EML4: variants seen among roughly 807,000 people sequenced by gnomAD.
The protein encoded by EML4 is echinoderm microtubule-associated protein-like 4.
Under a neutral mutation model 129.0 loss-of-function variants are expected in EML4, and 72 were observed. The ratio of observed to expected loss-of-function variants is 0.56; its 90% CI spans 0.46 to 0.68. The LOEUF is 0.68. EML4 is among the 30% of genes least tolerant of loss of function. The probability of loss-of-function intolerance (pLI) is 0.00; values close to 1 mark genes in which losing one functional copy is unlikely to be tolerated. For synonymous variants in EML4, 532 were observed against 405.0 expected (o/e 1.31, Z -3.77); for missense variants, 1,363 against 1,190.6 (o/e 1.14, Z -2.13).
At chr2:42,234,134 T>TGG (rs1674516633) in intron 1 of EML4, among the ~76,000 whole-genome samples, 1 of 152,266 alleles carries the variant, frequency 6.6e-6, no homozygotes, top group Non-Finnish European at 1.5e-5. Context: ...TCACTGTCCT[T>TGG]CAGTTTGTCC....
At chr2:42,246,690 T>C (rs992152627) in intron 2 of EML4, among the ~76,000 whole-genome samples, 4 of 152,182 alleles carry the variant, frequency 2.6e-5, no homozygotes, top group African/African-American at 9.7e-5. Context: ...AATTTGGGAA[T>C]GTTCCTCTTA....
chr2:42,279,809 G>A (rs1448449612), intron 6 of EML4, among the ~76,000 whole-genome samples: 1 of 151,146 alleles, frequency 6.6e-6, no homozygotes, highest in African/African-American at 2.4e-5. Context: ...ATTATTAATA[G>A]CCATCCGACA....
At chr2:42,250,694 A>G (rs960536291) in intron 2 of EML4, among the ~76,000 whole-genome samples, 2 of 151,842 alleles carry the variant, frequency 1.3e-5, no homozygotes, top group African/African-American at 4.8e-5. Flanking sequence ...CTTTTTTGGC[A>G]CTAGGGACTG....
chr2:42,309,381 C>T (rs1668800034), intron 17 of EML4, among the ~76,000 whole-genome samples: 1 of 149,904 alleles, frequency 6.7e-6, no homozygotes, highest in Non-Finnish European at 1.5e-5. Context: ...CACTGCACTC[C>T]AGCCTGGATG....
At chr2:42,284,086 C>G (rs1399176732) in intron 8 of EML4, among the ~76,000 whole-genome samples, 1 of 152,168 alleles carries the variant, frequency 6.6e-6, no homozygotes, top group Admixed American at 6.5e-5. Flanking sequence ...AATTCCTTGC[C>G]TCAGTTTGAC....
chr2:42,229,347 A>C (rs1216964298), intron 1 of EML4, among the ~76,000 whole-genome samples: 1 of 152,216 alleles, frequency 6.6e-6, no homozygotes, highest in African/African-American at 2.4e-5. Context: ...GCCTGGGTAT[A>C]TAGTTACTAA....
intron 19 of EML4, among the ~76,000 whole-genome samples, chr2:42,323,262 C>G (rs941833546): frequency 1.3e-5 from 2 of 152,170 alleles, no homozygotes; most frequent in South Asian, 4.1e-4. Flanking sequence ...CAGAGCCAGG[C>G]TCATGTGCAC....
In EML4 at chr2:42,270,604, T is replaced by C. The variant is rs77139969; in HGVS notation, c.667+5873T>C. The stretch of plus-strand genomic sequence containing the variant: ...ATTGTATCTGAAAGAATAGCTAAAA[T>C]TTATCGATAAAGATATATAATAGCG... On this transcript the variant is annotated intron_variant, in intron 6 of 22. Coordinates refer to ENST00000318522, the MANE Select transcript of EML4 (RefSeq NM_019063.5). 2.1e-3 allele frequency among the ~76,000 whole-genome samples: 320 copies of C among 152,334 alleles called. 1 individual carries two copies. Among genetic ancestry groups the C allele is most frequent in the African/African-American group, 7.4e-3 (309 of 41,572 alleles).
chr2:42,239,309 T>G (rs1347148481), intron 1 of EML4, among the ~76,000 whole-genome samples: 2 of 152,276 alleles, frequency 1.3e-5, no homozygotes, highest in East Asian at 3.9e-4. Flanking sequence ...ATTGCCAACT[T>G]TTGGATATTT....
At chr2:42,280,758 G>T in intron 6 of EML4, 92 bp from the exon 7 acceptor site, 2 of 951,974 alleles carry the variant, frequency 2.1e-6, no homozygotes, top group Non-Finnish European at 3.1e-6. Context: ...AGTCATTTTT[G>T]TCTTGTTTTT....
chr2:42,256,739 C>A, intron 3 of EML4, 109 bp downstream of exon 3: 1 of 1,343,632 alleles, frequency 7.4e-7, no homozygotes, highest in Non-Finnish European at 1.0e-6. Context: ...TTCAAGTGAG[C>A]ATGTCCTTTG....
chr2:42,232,076 G>C (rs964715465), intron 1 of EML4, among the ~76,000 whole-genome samples: 2 of 152,048 alleles, frequency 1.3e-5, no homozygotes, highest in Admixed American at 6.5e-5. Context: ...ATGAATAGGA[G>C]TTTTGAAAAA....
chr2:42,268,777 CAT>C (rs1228257203), intron 6 of EML4, among the ~76,000 whole-genome samples: 2 of 152,132 alleles, frequency 1.3e-5, no homozygotes, highest in Non-Finnish European at 2.9e-5. Context: ...CACATGATCT[CAT>C]TATTTCTGGA....
chr2:42,329,393 A>C (rs557607267), intron 22 of EML4, among the ~76,000 whole-genome samples: 117 of 152,368 alleles, frequency 7.7e-4, no homozygotes, highest in Admixed American at 1.4e-3. Context: ...AATCCTACCA[A>C]CATAGTAAAT....
intron 2 of EML4, among the ~76,000 whole-genome samples, chr2:42,253,522 A>G (rs765120290): frequency 2.6e-5 from 4 of 152,218 alleles, no homozygotes; most frequent in Non-Finnish European, 5.9e-5. Flanking sequence ...ATTCTGGCAC[A>G]GTGTAGCGAT....
At chr2:42,234,385 G>A (rs1674531546) in intron 1 of EML4, among the ~76,000 whole-genome samples, 1 of 152,148 alleles carries the variant, frequency 6.6e-6, no homozygotes, top group South Asian at 2.1e-4. Context: ...TTACAACATC[G>A]GTGGTGGGAA....
rs1225352706 is a variant in EML4 at position 42,244,103 on chromosome 2, T to TTTTG, written c.26-1399_26-1398insGTTT. On this transcript the variant is annotated intron_variant, in intron 1 of 22. Transcript: ENST00000318522. ...TTTGTTTTTTGTTTTTGTTTTTTGT[T>TTTTG]TTTTTTTTTTTTTTGAGACGGGGTC... is the stretch of plus-strand genomic sequence containing the variant. Among the ~76,000 whole-genome samples, 148 of 59,140 alleles carry TTTTG rather than the reference T, an allele frequency of 2.5e-3. 1 individual carries two copies. In the South Asian group the frequency reaches 0.032, roughly 13 times the overall value. The allele number at this position is 59,140 out of a possible 152,430, so 38.8% of individuals were successfully genotyped here.
intron 6 of EML4, among the ~76,000 whole-genome samples, chr2:42,272,464 T>C (rs745938723): frequency 2.0e-5 from 3 of 152,170 alleles, no homozygotes; most frequent in Non-Finnish European, 4.4e-5. Flanking sequence ...ACATTTTGCT[T>C]TATTTGATTC....
chr2:42,297,288 A>G (rs878974459), intron 13 of EML4, among the ~76,000 whole-genome samples: 5 of 152,184 alleles, frequency 3.3e-5, no homozygotes, highest in Admixed American at 6.5e-5. Context: ...AGCATAGTCT[A>G]TTAAAACAGT....
Sources: gnomAD v4.1 joint callset for allele counts (sites outside exome capture counted in the v4.1 genomes callset) on GRCh38, gnomAD v4.1.1 for gene constraint, MANE v1.5 for transcripts, NCBI Gene and HGNC (gene_info 2026-07-23, HGNC 2026-07-21) for gene names.